The following CADM2 variants were observed in gnomAD, a reference collection of about 807,000 sequenced individuals.
CADM2 encodes the protein immunoglobulin superfamily member 4D.
CADM2 carries 12 observed loss-of-function variants against 49.8 expected under a neutral mutation model. That is an observed-to-expected ratio of 0.24 (90% CI 0.15 to 0.39). The LOEUF (loss-of-function observed/expected upper bound fraction) is 0.39, where lower values mean the gene tolerates loss of function less well. Among genes scored for constraint, CADM2 ranks in the 10% least tolerant of loss-of-function variants. The pLI, the probability that CADM2 is intolerant of heterozygous loss-of-function variation, is 1.00. For missense variants in CADM2, 378 were observed against 492.3 expected (o/e 0.77, Z 2.20); for synonymous variants, 214 against 175.4 (o/e 1.22, Z -1.74).
intron 3 of CADM2, among the ~76,000 whole-genome samples, chr3:85,806,927 A>G (rs1307227104): frequency 6.6e-6 from 1 of 152,174 alleles, no homozygotes; most frequent in Non-Finnish European, 1.5e-5. Flanking sequence ...GCCATGTTTA[A>G]TGTGATCAGT....
chr3:85,360,980 G>T (rs979870737), intron 1 of CADM2, among the ~76,000 whole-genome samples: 8 of 152,030 alleles, frequency 5.3e-5, no homozygotes, highest in Admixed American at 1.3e-4. Context: ...TTTACTTCCC[G>T]CTACCCCAGC....
intron 8 of CADM2, among the ~76,000 whole-genome samples, chr3:86,033,671 G>GTA (rs34632130): frequency 1.8e-3 from 251 of 137,974 alleles, no homozygotes; most frequent in African/African-American, 5.8e-3. Context: ...TTATATATAT[G>GTA]TATATATATA....
intron 1 of CADM2, among the ~76,000 whole-genome samples, chr3:85,321,187 G>C (rs1300656322): frequency 1.9e-5 from 2 of 105,576 alleles, no homozygotes; most frequent in Non-Finnish European, 3.6e-5. Flanking sequence ...GAAAGAAAGA[G>C]AGAGAGAGAG....
intron 8 of CADM2, among the ~76,000 whole-genome samples, chr3:85,989,235 T>C (rs1204311917): frequency 6.6e-6 from 1 of 151,974 alleles, no homozygotes; most frequent in Non-Finnish European, 1.5e-5. Flanking sequence ...ACTAATAAAG[T>C]AGGAAAAGCA....
intron 2 of CADM2, among the ~76,000 whole-genome samples, chr3:85,758,263 A>G (rs1217293016): frequency 6.6e-6 from 1 of 152,102 alleles, no homozygotes; most frequent in Admixed American, 6.6e-5. Flanking sequence ...TAATCAGCAA[A>G]ACTTAATTTA....
intron 1 of CADM2, among the ~76,000 whole-genome samples, chr3:85,299,125 G>A (rs991560046): frequency 1.3e-5 from 2 of 151,822 alleles, no homozygotes; most frequent in African/African-American, 4.8e-5. Context: ...GCTTTATTGT[G>A]TCTAAAGAAA....
At chr3:84,963,707 T>C (rs1241292859) in intron 1 of CADM2, among the ~76,000 whole-genome samples, 1 of 152,210 alleles carries the variant, frequency 6.6e-6, no homozygotes, top group Non-Finnish European at 1.5e-5. Context: ...CTTGCCTCAG[T>C]ATCTGTCATG....
intron 1 of CADM2, among the ~76,000 whole-genome samples, chr3:85,609,693 T>C (rs1254928130): frequency 1.3e-5 from 2 of 152,132 alleles, no homozygotes; most frequent in African/African-American, 4.8e-5. Flanking sequence ...TAATTCTACT[T>C]TATAATCAGG....
At chr3:85,721,305 A>G (rs1319170349) in intron 1 of CADM2, among the ~76,000 whole-genome samples, 1 of 152,172 alleles carries the variant, frequency 6.6e-6, no homozygotes, top group African/African-American at 2.4e-5. Flanking sequence ...GAAACATCTA[A>G]TATATCTGAA....
Position 85,997,839 on chromosome 3 carries a change from G to A in CADM2, c.970+36192G>A, listed in dbSNP as rs1047068558. 2.6e-5 allele frequency among the ~76,000 whole-genome samples: 4 copies of A among 152,138 alleles called. No individual in the cohort carries two copies. The East Asian group carries it at 5.8e-4, about 22-fold the overall frequency. ...GGGACAGAACTTTGGAAGAGTCACC[G>A]AATTCCATGGTCTGTCTTCGTTTTG... is the stretch of plus-strand genomic sequence containing the variant. On this transcript the variant is annotated intron_variant, in intron 8 of 9. Transcript: ENST00000383699.
Position 85,923,537 on chromosome 3 carries a change from CA to C in CADM2, c.700+11006del, listed in dbSNP as rs57230094. Among the ~76,000 whole-genome samples the C allele has an allele frequency of 4.6e-3, 629 of 136,666 alleles. 8 individuals are homozygous for C. Among genetic ancestry groups the C allele is most frequent in the African/African-American group, 0.012 (448 of 38,022 alleles). The allele number at this position is 136,666 out of a possible 152,430, so 89.7% of individuals were successfully genotyped here. A position where few individuals can be genotyped will look rare whatever the true frequency, so the allele number is the denominator to read the frequency against. On this transcript the variant is annotated intron_variant, in intron 6 of 9. Transcript: ENST00000383699. ...GAGTTCTCAATTGATATCATGAAAG[CA>C]AAAAAAAAAAACAACAAAACAAACA...
intron 2 of CADM2, among the ~76,000 whole-genome samples, chr3:85,735,552 G>C (rs73142850): frequency 0.22 from 33,001 of 152,028 alleles, 4,248 homozygotes; most frequent in Non-Finnish European, 0.29. Flanking sequence ...TTAGTTTTAA[G>C]AGGATCAATT....
intron 1 of CADM2, among the ~76,000 whole-genome samples, chr3:85,135,056 A>C (rs1208161620): frequency 6.6e-6 from 1 of 151,974 alleles, no homozygotes. Context: ...GTCTCTGATA[A>C]AAATTATTTT....
chr3:85,726,834 T>C (rs1290476847), intron 2 of CADM2, among the ~76,000 whole-genome samples: 1 of 152,114 alleles, frequency 6.6e-6, no homozygotes, highest in Non-Finnish European at 1.5e-5. Flanking sequence ...ACATTTTGCA[T>C]GCGTACCTTA....
chr3:85,796,696 A>G lies in CADM2; in HGVS notation c.89-5351A>G, dbSNP rs145980879. Among the ~76,000 whole-genome samples the G allele has an allele frequency of 1.2e-4, 18 of 152,252 alleles. No homozygotes were observed. In the East Asian group the frequency reaches 3.5e-3, roughly 29 times the overall value. On this transcript the variant is annotated intron_variant, in intron 2 of 9. Coordinates refer to ENST00000383699, the MANE Select transcript of CADM2 (RefSeq NM_001167675.2). Reference sequence around the variant, plus strand: ...GAATCTTCTGTCTCTTATGGTGCCAATCAACACACTTCTGGGTAATAAGAT... The same window carrying G: ...GAATCTTCTGTCTCTTATGGTGCCAGTCAACACACTTCTGGGTAATAAGAT...
chr3:85,693,858 T>G (rs1361996088), intron 1 of CADM2, among the ~76,000 whole-genome samples: 1 of 143,206 alleles, frequency 7.0e-6, no homozygotes, highest in Non-Finnish European at 1.5e-5. Context: ...ATCGCACCAC[T>G]GTACTCCAGC....
Position 85,132,125 on chromosome 3 carries a change from TACTA to T in CADM2, c.61+172462_61+172465del, listed in dbSNP as rs200368933. Among the ~76,000 whole-genome samples the T allele has an allele frequency of 7.3e-3, 1,112 of 152,338 alleles. 2 individuals are homozygous for T. Among genetic ancestry groups the T allele is most frequent in the Non-Finnish European group, 0.012 (792 of 68,012 alleles). On this transcript the variant is annotated intron_variant, in intron 1 of 9. Transcript: ENST00000383699. Reference sequence around the variant, plus strand: ...TTTCAATTTTTAAAAATCCTTATTTTACTAACTATTGGTTGAGGACATGATTAAA... The same window carrying T: ...TTTCAATTTTTAAAAATCCTTATTTTACTATTGGTTGAGGACATGATTAAA...
intron 1 of CADM2, among the ~76,000 whole-genome samples, chr3:85,697,336 G>C (rs1328042764): frequency 1.3e-5 from 2 of 151,856 alleles, no homozygotes; most frequent in African/African-American, 4.8e-5. Context: ...GTGACATGCA[G>C]CTAGATAACC....
intron 1 of CADM2, among the ~76,000 whole-genome samples, chr3:85,709,891 T>C (rs138025712): frequency 1.3e-5 from 2 of 152,204 alleles, no homozygotes; most frequent in Non-Finnish European, 1.5e-5. Flanking sequence ...TAGTCATAGT[T>C]GTGTTGCCAG....
Sources: allele counts gnomAD v4.1 joint callset (sites outside exome capture counted in the v4.1 genomes callset), GRCh38; gene constraint gnomAD v4.1.1; transcripts MANE v1.5; gene names NCBI Gene and HGNC (gene_info 2026-07-23, HGNC 2026-07-21).